SLC24A4: variants seen among roughly 807,000 people sequenced by gnomAD.
SLC24A4 encodes solute carrier family 24 member 4.
A neutral mutation model predicts 79.0 loss-of-function variants in SLC24A4; 53 were observed. That is an observed-to-expected ratio of 0.67 (90% CI 0.54 to 0.84). The LOEUF is 0.84. Ranked by LOEUF, SLC24A4 falls within the 40% of genes least tolerant of loss-of-function variation. The probability of loss-of-function intolerance (pLI) is 0.00; values close to 1 mark genes in which losing one functional copy is unlikely to be tolerated. For missense variants in SLC24A4, 731 were observed against 822.0 expected (o/e 0.89, Z 1.35); for synonymous variants, 323 against 323.8 (o/e 1.00, Z 0.03).
chr14:92,410,610 G>A (rs1890655549), intron 2 of SLC24A4, among the ~76,000 whole-genome samples: 1 of 152,152 alleles, frequency 6.6e-6, no homozygotes, highest in African/African-American at 2.4e-5. Context: ...TGTGTGCCAG[G>A]CCCTCTCCCA....
At chr14:92,444,850 G>C (rs772433105) in intron 7 of SLC24A4, among the ~76,000 whole-genome samples, 1 of 151,338 alleles carries the variant, frequency 6.6e-6, no homozygotes, top group South Asian at 2.1e-4. Context: ...GCAAGACTAC[G>C]TCTCAAAAAC....
intron 12 of SLC24A4, among the ~76,000 whole-genome samples, chr14:92,474,234 G>A (rs1427300398): frequency 6.6e-6 from 1 of 152,188 alleles, no homozygotes; most frequent in Non-Finnish European, 1.5e-5. Flanking sequence ...AACATGTTAT[G>A]TTCAGATTAT....
rs1445715644 is a variant in SLC24A4, at chr14:92,439,693, A to G, written c.393+284A>G. ...AGCAGGCTGTTGGCACTTGTGTCCA[A>G]CCTGGCTAAGTACAAAGCCCAGGCA... On this transcript the variant is annotated intron_variant, in intron 4 of 16. Transcript: ENST00000532405. Among the ~76,000 whole-genome samples, 3 of 152,222 alleles carry G rather than the reference A, an allele frequency of 2.0e-5. 1 individual carries two copies. Among genetic ancestry groups the G allele is most frequent in the Admixed American group, 2.0e-4 (3 of 15,276 alleles).
intron 2 of SLC24A4, among the ~76,000 whole-genome samples, chr14:92,423,413 G>A (rs1891396261): frequency 6.6e-6 from 1 of 152,188 alleles, no homozygotes; most frequent in Non-Finnish European, 1.5e-5. Context: ...TCAAAGTGCG[G>A]CCTCCTAAAG....
At chr14:92,492,690 G>T (rs541281582) in intron 16 of SLC24A4, 21 of 375,460 alleles carry the variant, frequency 5.6e-5, no homozygotes, top group Middle Eastern at 9.5e-4. Context: ...GATGAGGGAG[G>T]TGCTATCATT....
intron 13 of SLC24A4, among the ~76,000 whole-genome samples, chr14:92,485,693 T>C (rs1330206519): frequency 2.0e-5 from 3 of 152,210 alleles, no homozygotes; most frequent in Admixed American, 1.3e-4. Context: ...TCATGACATT[T>C]GAGTGGGTGA....
At chr14:92,394,909 G>T (rs1481924421) in intron 2 of SLC24A4, among the ~76,000 whole-genome samples, 4 of 152,134 alleles carry the variant, frequency 2.6e-5, no homozygotes, top group African/African-American at 7.2e-5. Flanking sequence ...CTGCTTCCCA[G>T]CACGTTTCCC....
intron 14 of SLC24A4, among the ~76,000 whole-genome samples, chr14:92,489,347 G>A (rs1302186649): frequency 1.3e-5 from 2 of 152,116 alleles, no homozygotes; most frequent in Admixed American, 6.5e-5. Context: ...GCTGAGGCAG[G>A]AGAATTGCTT....
At chr14:92,378,870 T>C (rs1203083156) in intron 2 of SLC24A4, among the ~76,000 whole-genome samples, 3 of 152,168 alleles carry the variant, frequency 2.0e-5, no homozygotes, top group African/African-American at 4.8e-5. Flanking sequence ...GGCAACGTAG[T>C]GAGACCCTGA....
Position 92,461,864 on chromosome 14 carries a change from G to C in SLC24A4, c.1255+5256G>C, listed in dbSNP as rs376243579. 2.4e-4 allele frequency among the ~76,000 whole-genome samples: 37 copies of C among 152,314 alleles called. 1 individual carries two copies. The South Asian group carries it at 7.5e-3, about 31-fold the overall frequency. The stretch of plus-strand genomic sequence containing the variant: ...TTATTATCTCCACTTTACAGAGAAG[G>C]AAGGGGAAGCACAGAGAGGTAAGTG... On this transcript the variant is annotated intron_variant, in intron 12 of 16. Transcript: ENST00000532405.
chr14:92,340,555 T>A (rs1046449403), intron 2 of SLC24A4, among the ~76,000 whole-genome samples: 1 of 131,234 alleles, frequency 7.6e-6, no homozygotes. Flanking sequence ...TTGGGTGTGG[T>A]GGCTTCCGAG....
intron 2 of SLC24A4, among the ~76,000 whole-genome samples, chr14:92,336,915 C>T (rs565723765): frequency 1.3e-5 from 2 of 152,290 alleles, no homozygotes; most frequent in South Asian, 4.1e-4. Context: ...CATCACCTCC[C>T]GTACCTGGAG....
intron 2 of SLC24A4, among the ~76,000 whole-genome samples, chr14:92,370,179 C>T (rs1261615624): frequency 6.6e-6 from 1 of 151,994 alleles, no homozygotes; most frequent in Non-Finnish European, 1.5e-5. Flanking sequence ...AAAGAGAGCC[C>T]ATAGAATTTA....
At chr14:92,379,677 G>A (rs186218431) in intron 2 of SLC24A4, among the ~76,000 whole-genome samples, 1 of 152,274 alleles carries the variant, frequency 6.6e-6, no homozygotes, top group East Asian at 1.9e-4. Context: ...TGACTGGCCT[G>A]GATTCCATTT....
intron 1 of SLC24A4, among the ~76,000 whole-genome samples, chr14:92,325,465 C>A (rs1368275938): frequency 1.3e-5 from 2 of 152,234 alleles, no homozygotes; most frequent in Non-Finnish European, 2.9e-5. Flanking sequence ...CTGGGCCAGA[C>A]CGCATCAGCC....
chr14:92,484,509 G>A, intron 13 of SLC24A4: 3 of 985,344 alleles, frequency 3.0e-6, no homozygotes, highest in Non-Finnish European at 3.6e-6. Flanking sequence ...TTAGAGCTCT[G>A]TATCCCAAAA....
chr14:92,374,675 T>C lies in SLC24A4; in HGVS notation c.241+48697T>C, dbSNP rs551115953. ...CTGCATTTTCTCATGATGCTCCGCA[T>C]TGGAGATCGGAGTCTGAATTTTATA... On this transcript the variant is annotated intron_variant, in intron 2 of 16. Transcript: ENST00000532405. 2.6e-5 allele frequency among the ~76,000 whole-genome samples: 4 copies of C among 152,336 alleles called. No homozygotes were observed. In the East Asian group the frequency reaches 7.7e-4, roughly 29 times the overall value.
intron 2 of SLC24A4, among the ~76,000 whole-genome samples, chr14:92,342,671 C>T (rs1057000647): frequency 7.9e-5 from 12 of 152,310 alleles, no homozygotes; most frequent in South Asian, 2.1e-4. Flanking sequence ...CGTGCACCAC[C>T]GCATGCCCTG....
chr14:92,480,117 C>T (rs1894974869), intron 12 of SLC24A4, among the ~76,000 whole-genome samples: 1 of 147,196 alleles, frequency 6.8e-6, no homozygotes, highest in South Asian at 2.2e-4. Flanking sequence ...TTCAAAGAGG[C>T]AACTTTCAAT....
Sources: gnomAD v4.1 joint callset for allele counts (sites outside exome capture counted in the v4.1 genomes callset) on GRCh38, gnomAD v4.1.1 for gene constraint, MANE v1.5 for transcripts, NCBI Gene and HGNC (gene_info 2026-07-23, HGNC 2026-07-21) for gene names.